Variants in CYP19A1 observed in about 807,000 individuals in gnomAD.
CYP19A1 encodes aromatase.
In CYP19A1, 32 loss-of-function variants were observed where a neutral mutation model predicts 44.4. The observed-to-expected ratio is 0.72, with a 90% CI of 0.54 to 0.97. The LOEUF (loss-of-function observed/expected upper bound fraction) is 0.97. Among genes scored for constraint, CYP19A1 ranks in the 50% least tolerant of loss-of-function variants. The pLI, the probability that CYP19A1 is intolerant of heterozygous loss-of-function variation, is 0.00. For missense variants in CYP19A1, 598 were observed against 637.8 expected (o/e 0.94, Z 0.67); for synonymous variants, 212 against 215.6 (o/e 0.98, Z 0.14).
At chr15:51,321,586 T>A (rs894220028) in intron 1 of CYP19A1, 6 of 152,254 alleles carry the variant, frequency 3.9e-5, no homozygotes, top group African/African-American at 1.4e-4. Context: ...TCTAACTTGA[T>A]CATATCTCTC....
At chr15:51,244,308 A>G (rs1024845236) in intron 1 of CYP19A1, among the ~76,000 whole-genome samples, 1 of 152,200 alleles carries the variant, frequency 6.6e-6, no homozygotes, top group African/African-American at 2.4e-5. Context: ...TTTTTACAAC[A>G]TAGTTGAATT....
intron 1 of CYP19A1, among the ~76,000 whole-genome samples, chr15:51,292,803 G>A (rs1286002460): frequency 6.6e-6 from 1 of 151,950 alleles, no homozygotes; most frequent in Non-Finnish European, 1.5e-5. Flanking sequence ...CCTTCTTCAT[G>A]GGCAGAAAGT....
intron 1 of CYP19A1, among the ~76,000 whole-genome samples, chr15:51,332,182 C>G (rs1340730272): frequency 6.6e-6 from 1 of 152,040 alleles, no homozygotes; most frequent in East Asian, 1.9e-4. Flanking sequence ...TTTGGGAGCT[C>G]TAGTCTAGTT....
intron 1 of CYP19A1, among the ~76,000 whole-genome samples, chr15:51,250,564 A>G (rs905011221): frequency 3.9e-5 from 6 of 152,178 alleles, no homozygotes; most frequent in African/African-American, 1.4e-4. Context: ...GTTTTTCTGA[A>G]ACACAGTGAG....
At chr15:51,317,827 G>A (rs1032800017) in intron 1 of CYP19A1, among the ~76,000 whole-genome samples, 2 of 152,202 alleles carry the variant, frequency 1.3e-5, no homozygotes, top group Non-Finnish European at 2.9e-5. Flanking sequence ...CTTGTCCAAG[G>A]TCACCCAGCC....
intron 8 of CYP19A1, among the ~76,000 whole-genome samples, chr15:51,212,914 TCTAGA>T (rs2031171235): frequency 6.6e-6 from 1 of 152,176 alleles, no homozygotes; most frequent in African/African-American, 2.4e-5. Flanking sequence ...TACAGTTCCA[TCTAGA>T]CCACACCCAA....
chr15:51,223,460 T>C (rs771189564), intron 4 of CYP19A1, among the ~76,000 whole-genome samples: 5 of 152,098 alleles, frequency 3.3e-5, no homozygotes, highest in Non-Finnish European at 5.9e-5. Context: ...TTTAAGTCTT[T>C]TATTATTCAG....
At chr15:51,234,118 A>T (rs2033225289) in intron 3 of CYP19A1, among the ~76,000 whole-genome samples, 1 of 152,198 alleles carries the variant, frequency 6.6e-6, no homozygotes, top group South Asian at 2.1e-4. Context: ...AAAAATAAAA[A>T]TCTTTCTGAG....
chr15:51,284,985 GCCTGT>G, intron 1 of CYP19A1, among the ~76,000 whole-genome samples: 1 of 152,158 alleles, frequency 6.6e-6, no homozygotes, highest in African/African-American at 2.4e-5. Context: ...ATTAGAAGGG[GCCTGT>G]TTCTCATTAT....
intron 1 of CYP19A1, among the ~76,000 whole-genome samples, chr15:51,288,154 C>T (rs533402095): frequency 1.3e-4 from 20 of 152,270 alleles, no homozygotes; most frequent in Non-Finnish European, 2.1e-4. Flanking sequence ...AGCAGTTGTG[C>T]AGTGATTTTT....
At chr15:51,235,923 A>C (rs949294222) in intron 3 of CYP19A1, among the ~76,000 whole-genome samples, 16 of 152,258 alleles carry the variant, frequency 1.1e-4, no homozygotes, top group African/African-American at 3.9e-4. Flanking sequence ...GCTTTGCTAA[A>C]AGTCTACTAA....
At chr15:51,260,826 C>T (rs948691812) in intron 1 of CYP19A1, among the ~76,000 whole-genome samples, 1 of 152,216 alleles carries the variant, frequency 6.6e-6, no homozygotes, top group African/African-American at 2.4e-5. Flanking sequence ...CTATAAACCC[C>T]AGGCATTCGA....
intron 3 of CYP19A1, among the ~76,000 whole-genome samples, chr15:51,232,950 C>T (rs2033140311): frequency 2.0e-5 from 3 of 152,372 alleles, no homozygotes; most frequent in South Asian, 4.1e-4. Flanking sequence ...GCCTGCAAGG[C>T]CTGACGTGAT....
intron 1 of CYP19A1, among the ~76,000 whole-genome samples, chr15:51,286,064 G>A (rs1413703251): frequency 3.3e-5 from 5 of 152,130 alleles, no homozygotes; most frequent in Non-Finnish European, 1.5e-5. Flanking sequence ...TAAAGGGAAG[G>A]CCAGACCCAT....
chr15:51,234,666 G>A (rs951823288), intron 3 of CYP19A1, among the ~76,000 whole-genome samples: 7 of 152,000 alleles, frequency 4.6e-5, no homozygotes, highest in African/African-American at 1.7e-4. Context: ...GTCCTGCATC[G>A]CTGCTTCCTG....
chr15:51,307,703 T>C (rs1054557141), intron 1 of CYP19A1, among the ~76,000 whole-genome samples: 1 of 152,206 alleles, frequency 6.6e-6, no homozygotes, highest in African/African-American at 2.4e-5. Context: ...TTTGCCTCAA[T>C]TTCCTTCTCA....
rs188472003 is a variant in CYP19A1 at position 51,249,603 on chromosome 15, C to T, written c.-38-6653G>A. On this transcript the variant is annotated intron_variant, in intron 1 of 9. Transcript: ENST00000396402. Reference sequence around the variant, plus strand: ...AGACATTCAGTTTTCTTTCTAGACGCGGGAGGCAGTAAGACAAGCAAACTG... The same window carrying T: ...AGACATTCAGTTTTCTTTCTAGACGTGGGAGGCAGTAAGACAAGCAAACTG... Among the ~76,000 whole-genome samples the T allele has an allele frequency of 4.3e-3, 650 of 152,168 alleles. 4 individuals are homozygous for T. The highest frequency in any genetic ancestry group is 0.015 in the African/African-American group (631 of 41,510).
chr15:51,286,426 G>C (rs1288561442), intron 1 of CYP19A1, among the ~76,000 whole-genome samples: 1 of 152,190 alleles, frequency 6.6e-6, no homozygotes, highest in Non-Finnish European at 1.5e-5. Flanking sequence ...TTGTTTGTCT[G>C]TTTCGTTTGT....
intron 9 of CYP19A1, 139 bp downstream of exon 9, chr15:51,212,181 G>T: frequency 2.6e-6 from 2 of 760,902 alleles, no homozygotes; most frequent in Non-Finnish European, 4.8e-6. Context: ...GCTAGGGGAC[G>T]TGTGTGCTCC....
Sources: allele counts gnomAD v4.1 joint callset (sites outside exome capture counted in the v4.1 genomes callset), GRCh38; gene constraint gnomAD v4.1.1; transcripts MANE v1.5; gene names NCBI Gene and HGNC (gene_info 2026-07-23, HGNC 2026-07-21).